The following CIAO2B variants were observed in gnomAD, a reference collection of about 807,000 sequenced individuals.
The protein encoded by CIAO2B is cytosolic iron-sulfur assembly component 2B.
Under a neutral mutation model 16.4 loss-of-function variants are expected in CIAO2B, and 20 were observed. The ratio of observed to expected loss-of-function variants is 1.22; its 90% CI spans 0.86 to 1.77. CIAO2B has a LOEUF of 1.77. Among genes scored for constraint, CIAO2B ranks in the 40% most tolerant of loss-of-function variants. The pLI, the probability that CIAO2B is intolerant of heterozygous loss-of-function variation, is 0.00. For missense variants in CIAO2B, 215 were observed against 222.4 expected, an observed-to-expected ratio of 0.97 and a Z score of 0.21; for synonymous variants, 106 against 90.4, an observed-to-expected ratio of 1.17 and a Z score of -0.98.
rs1342934962 is a variant in CIAO2B, at chr16:66,933,877, C to G, written c.222+110G>C. ...CCATAAAATAGGCACAACAATCTCC[C>G]TCCCCAAAGATACCCTTCGGTGTTC... On this transcript the variant is annotated intron_variant, in intron 2 of 4. Coordinates refer to ENST00000422424, the MANE Select transcript of CIAO2B (RefSeq NM_016062.4). The G allele has an allele frequency of 2.6e-6, 4 of 1,546,808 alleles. No individual in the cohort carries two copies. The East Asian group carries it at 9.7e-5, about 38-fold the overall frequency.
rs1963126119 is a variant in CIAO2B, at chr16:66,933,992, C to T, written c.217G>A (p.Val73Ile). 6 of 1,613,724 alleles carry T rather than the reference C, an allele frequency of 3.7e-6. No homozygotes were observed. The South Asian group carries it at 6.6e-5, about 18-fold the overall frequency. ...TCCCCTCGGAAGTGACTCACCTGAA[C>T]CCGCACCTGCTCTACTACGTTCAAC... ...EELNVVEQVR[V>I]QVSDPESTVA... The change falls in exon 2 of 5, where the codon GTT becomes ATT. Residue 73 changes from valine (V) to isoleucine (I), a missense_variant. Physicochemically the swap from Val to Ile is conservative, Grantham distance 29. Transcript: ENST00000422424.
Position 66,933,638 on chromosome 16 carries a change from C to T in CIAO2B, c.324G>A (p.Leu108=), listed in dbSNP as rs775094816. The change falls in exon 3 of 5, where the codon CTG becomes CTA. Residue 108 remains leucine (L), a synonymous_variant. Transcript: ENST00000422424. ...CCTTGAAACGCTGAGGAAGGGAGCG[C>T]AGAAGCTTGACCTTGATGGACAGAC... The part of the protein sequence containing the change: ...LIGLSIKVKL[L]RSLPQRFKMD... 1 of 1,609,342 alleles carries T rather than the reference C, an allele frequency of 6.2e-7. No homozygotes were observed. The highest frequency in any genetic ancestry group is 8.5e-7 in the Non-Finnish European group (1 of 1,177,876).
chr16:66,933,515 A>G (rs1383007517), intron 3 of CIAO2B, 99 bp downstream of exon 3: 2 of 1,460,814 alleles, frequency 1.4e-6, no homozygotes, highest in African/African-American at 2.8e-5. Context: ...TCCAGGCCCC[A>G]CTCTGATGTC....
rs760426982 is a variant in CIAO2B at position 66,934,208 on chromosome 16, A to G, written c.142+15T>C. 3 of 1,608,400 alleles carry G rather than the reference A, an allele frequency of 1.9e-6. No individual in the cohort carries two copies. In the East Asian group the frequency reaches 6.7e-5, roughly 36 times the overall value. ...AAGCCCCCGGAACCCGCCCGCGCCCAGCAGCGGCGGATATCGAAGATCTCG... is the reference window on the plus strand; with the variant it reads ...AAGCCCCCGGAACCCGCCCGCGCCCGGCAGCGGCGGATATCGAAGATCTCG... On this transcript the variant is annotated intron_variant, in intron 1 of 4. Coordinates refer to ENST00000422424, the MANE Select transcript of CIAO2B (RefSeq NM_016062.4). The surrounding 1 kb of genome is among the most constrained non-coding windows in gnomAD (Gnocchi z 4.1).
In CIAO2B at chr16:66,932,327, G is replaced by A. The variant is rs1006618489; in HGVS notation, c.395-27C>T. 3.8e-6 allele frequency: 6 copies of A among 1,593,056 alleles called. No individual in the cohort carries two copies. The African/African-American group carries it at 8.1e-5, about 21-fold the overall frequency. On this transcript the variant is annotated intron_variant, in intron 4 of 4. Coordinates refer to ENST00000422424, the MANE Select transcript of CIAO2B (RefSeq NM_016062.4). The stretch of plus-strand genomic sequence containing the variant: ...TAGGTGGGAAGAAGGGTGTGGGGAA[G>A]GCAGAGTCAAAGCTAGGCTCTGGCC...
intron 4 of CIAO2B, 74 bp from the exon 5 acceptor site, chr16:66,932,374 T>G (rs1963071075): frequency 8.5e-7 from 1 of 1,171,092 alleles, no homozygotes; most frequent in Admixed American, 1.9e-5. Context: ...CAGCCCTACC[T>G]CTGAACCTCT....
chr16:66,933,252 G>C (rs765597695), intron 3 of CIAO2B, among the ~76,000 whole-genome samples: 8 of 152,164 alleles, frequency 5.3e-5, no homozygotes, highest in Non-Finnish European at 8.8e-5. Flanking sequence ...GCCTCCCAAA[G>C]TGCTGGGATT....
Position 66,934,391 on chromosome 16 carries a change from C to T in CIAO2B, c.-27G>A, listed in dbSNP as rs1297722818. The T allele has an allele frequency of 6.7e-7, 1 of 1,494,202 alleles. No individual in the cohort carries two copies. The highest frequency in any genetic ancestry group is 1.4e-5 in the African/African-American group (1 of 71,672). 92.6% of individuals were successfully genotyped at this position (1,494,202 alleles called of 1,614,324 possible). ...GCGGAACCACCACCGCTGATCCTAG[C>T]AGGCGTGCGCTTCCGCTCCAACCCG... On this transcript the variant is annotated 5_prime_UTR_variant, in exon 1 of 5. Transcript: ENST00000422424. The surrounding 1 kb of genome is among the most constrained non-coding windows in gnomAD (Gnocchi z 4.1).
chr16:66,934,142 C>T lies in CIAO2B; in HGVS notation c.143-76G>A, dbSNP rs1223901005. ...CTGCCAGGAACGCCCTGCTGGGATG[C>T]GGCTCCACCAGCTGCTCGATATCAC... is the stretch of plus-strand genomic sequence containing the variant. On this transcript the variant is annotated intron_variant, in intron 1 of 4. Coordinates refer to ENST00000422424, the MANE Select transcript of CIAO2B (RefSeq NM_016062.4). The surrounding 1 kb of genome is among the most constrained non-coding windows in gnomAD (Gnocchi z 4.1). 7.5e-6 allele frequency: 12 copies of T among 1,610,214 alleles called. No homozygotes were observed. The highest frequency in any genetic ancestry group is 6.7e-5 in the African/African-American group (5 of 74,876).
intron 3 of CIAO2B, chr16:66,933,398 T>C: frequency 1.5e-6 from 1 of 666,990 alleles, no homozygotes; most frequent in Non-Finnish European, 2.4e-6. Flanking sequence ...CTGCCCTTCC[T>C]GCCACACTCT....
intron 4 of CIAO2B, chr16:66,932,505 C>A: frequency 1.4e-6 from 1 of 717,320 alleles, no homozygotes; most frequent in East Asian, 2.7e-5. Flanking sequence ...TAGGATCCCT[C>A]CCCCTGGCTG....
intron 4 of CIAO2B, chr16:66,932,501 C>T (rs1464222795): frequency 1.4e-6 from 1 of 717,700 alleles, no homozygotes; most frequent in Admixed American, 2.0e-5. Flanking sequence ...TTCTTAGGAT[C>T]CCTCCCCCTG....
rs770834701 is a variant in CIAO2B at position 66,933,608 on chromosome 16, A to G, written c.348+6T>C. The stretch of plus-strand genomic sequence containing the variant: ...GTCTCACTCCCGGGGCTCAGCTCCA[A>G]CTGACCTTGAAACGCTGAGGAAGGG... On this transcript the variant is annotated splice_donor_region_variant and intron_variant, in intron 3 of 4. Coordinates refer to ENST00000422424, the MANE Select transcript of CIAO2B (RefSeq NM_016062.4). 19 of 1,609,290 alleles carry G rather than the reference A, an allele frequency of 1.2e-5. No homozygotes were observed. Among genetic ancestry groups the G allele is most frequent in the Non-Finnish European group, 1.4e-5 (17 of 1,178,046 alleles).
Position 66,934,204 on chromosome 16 carries a change from G to T in CIAO2B, c.142+19C>A, listed in dbSNP as rs764264118. On this transcript the variant is annotated intron_variant, in intron 1 of 4. Coordinates refer to ENST00000422424, the MANE Select transcript of CIAO2B (RefSeq NM_016062.4). The surrounding 1 kb of genome is among the most constrained non-coding windows in gnomAD (Gnocchi z 4.1). The stretch of plus-strand genomic sequence containing the variant: ...CCGCAAGCCCCCGGAACCCGCCCGC[G>T]CCCAGCAGCGGCGGATATCGAAGAT... 2 of 1,608,136 alleles carry T rather than the reference G, an allele frequency of 1.2e-6. No homozygotes were observed. Among genetic ancestry groups the T allele is most frequent in the South Asian group, 2.2e-5 (2 of 90,832 alleles).
chr16:66,933,940 C>A, intron 2 of CIAO2B, 47 bp downstream of exon 2: 2 of 1,608,362 alleles, frequency 1.2e-6, no homozygotes. Flanking sequence ...TGCACAGAAA[C>A]CTTTCTGACT....
chr16:66,933,746 GT>G lies in CIAO2B; in HGVS notation c.223-8del. On this transcript the variant is annotated splice_polypyrimidine_tract_variant and splice_region_variant and intron_variant, in intron 2 of 4. Coordinates refer to ENST00000422424, the MANE Select transcript of CIAO2B (RefSeq NM_016062.4). ...TACTCTCGGGGTCGCTAACCTGGTT[GT>G]GGAGGAGAGATGTCAAGAGTCAACC... The G allele has an allele frequency of 1.3e-6, 2 of 1,543,980 alleles. No individual in the cohort carries two copies.
chr16:66,932,421 T>A, intron 4 of CIAO2B, 121 bp from the exon 5 acceptor site: 1 of 796,944 alleles, frequency 1.3e-6, no homozygotes, highest in African/African-American at 1.7e-5. Flanking sequence ...AGAGCCCTCC[T>A]GTCACCTCCT....
In CIAO2B at chr16:66,933,805, T is replaced by C. The variant is rs1963119065; in HGVS notation, c.223-66A>G. 46 of 1,543,394 alleles carry C rather than the reference T, an allele frequency of 3.0e-5. 1 individual carries two copies. In the South Asian group the frequency reaches 4.9e-4, roughly 16 times the overall value. ...GCCCAAGGTCCCTCTTCTTAGTTTG[T>C]TGTTTTGGGCAAATCATCCAACTTC... On this transcript the variant is annotated intron_variant, in intron 2 of 4. Coordinates refer to ENST00000422424, the MANE Select transcript of CIAO2B (RefSeq NM_016062.4).
At position 66,933,713 on chromosome 16, in the gene CIAO2B, A is replaced by G; in HGVS notation, c.249T>C (p.Ala83=). The change falls in exon 3 of 5, where the codon GCT becomes GCC. Residue 83 remains alanine, a synonymous_variant. Transcript: ENST00000422424. ...VQVSDPESTV[A]VAFTPTIPHC... The stretch of plus-strand genomic sequence containing the variant: ...GCGGAATGGTTGGTGTGAAAGCCAC[A>G]GCCACTGTACTCTCGGGGTCGCTAA... 6.4e-7 allele frequency: 1 copy of G among 1,574,046 alleles called. No homozygotes were observed. The highest frequency in any genetic ancestry group is 2.3e-5 in the East Asian group (1 of 42,750).
Sources: gnomAD v4.1 joint callset for allele counts (sites outside exome capture counted in the v4.1 genomes callset) on GRCh38, gnomAD v4.1.1 for gene constraint, Gnocchi (gnomAD v3.1) non-coding constraint, MANE v1.5 for transcripts, NCBI Gene and HGNC (gene_info 2026-07-23, HGNC 2026-07-21) for gene names.